Variants in NEBL observed in about 807,000 individuals in gnomAD.
NEBL encodes nebulette, also known as LIM and SH3 protein 2.
NEBL carries 122 observed loss-of-function variants against 140.2 expected under a neutral mutation model. That is an observed-to-expected ratio of 0.87 (90% CI 0.75 to 1.01). The LOEUF is 1.01. Ranked by LOEUF, NEBL falls within the 50% of genes least tolerant of loss-of-function variation. The pLI is 0.00. For synonymous variants in NEBL, 436 were observed against 398.9 expected (o/e 1.09, Z -1.11); for missense variants, 1,365 against 1,231.3 (o/e 1.11, Z -1.62).
chr10:20,923,453 T>A (rs140768280), intron 4 of NEBL, among the ~76,000 whole-genome samples: 2,864 of 151,492 alleles, frequency 0.019, 80 homozygotes, highest in African/African-American at 0.065. Flanking sequence ...CTGAGGTGGG[T>A]GGATCACGAG....
At chr10:21,214,380 A>G (rs1237583102) in intron 3 of NEBL, among the ~76,000 whole-genome samples, 1 of 147,278 alleles carries the variant, frequency 6.8e-6, no homozygotes, top group African/African-American at 2.7e-5. Flanking sequence ...AAAGGAAGAG[A>G]GGGAGGAAGG....
At chr10:21,219,726 TG>T (rs746023199) in intron 3 of NEBL, among the ~76,000 whole-genome samples, 10 of 152,314 alleles carry the variant, frequency 6.6e-5, no homozygotes, top group Admixed American at 2.6e-4. Context: ...GAACATAGGA[TG>T]TTTTTTCACT....
At chr10:20,854,853 C>G (rs902791940) in intron 9 of NEBL, among the ~76,000 whole-genome samples, 38 of 152,248 alleles carry the variant, frequency 2.5e-4, no homozygotes, top group African/African-American at 8.2e-4. Context: ...ACAGGAGCTA[C>G]TGCACCTAGC....
At chr10:20,865,409 G>T (rs1263832353) in intron 7 of NEBL, among the ~76,000 whole-genome samples, 1 of 152,070 alleles carries the variant, frequency 6.6e-6, no homozygotes, top group African/African-American at 2.4e-5. Context: ...ATAGAGAAAT[G>T]AAGCAATTTG....
At chr10:21,166,050 C>G (rs1036454241) in intron 2 of NEBL, among the ~76,000 whole-genome samples, 4 of 145,404 alleles carry the variant, frequency 2.8e-5, no homozygotes, top group African/African-American at 1.1e-4. Flanking sequence ...GAAACCCCGT[C>G]TCTACTAAAA....
intron 1 of NEBL, among the ~76,000 whole-genome samples, chr10:21,260,770 T>C (rs1371593954): frequency 6.6e-6 from 1 of 152,236 alleles, no homozygotes; most frequent in Non-Finnish European, 1.5e-5. Context: ...CCCCTCATTA[T>C]GCCCTTGCTG....
chr10:20,933,382 A>G (rs528323425), intron 4 of NEBL, among the ~76,000 whole-genome samples: 1 of 152,348 alleles, frequency 6.6e-6, no homozygotes, highest in East Asian at 1.9e-4. Context: ...CCCGTACACT[A>G]CTAGACTATA....
At chr10:20,867,407 G>A (rs1373315162) in intron 7 of NEBL, among the ~76,000 whole-genome samples, 1 of 151,974 alleles carries the variant, frequency 6.6e-6, no homozygotes, top group Non-Finnish European at 1.5e-5. Flanking sequence ...TAAGACTTCT[G>A]CAACTTGAGA....
intron 2 of NEBL, among the ~76,000 whole-genome samples, chr10:21,160,794 A>T (rs887204096): frequency 6.6e-6 from 1 of 152,136 alleles, no homozygotes; most frequent in Non-Finnish European, 1.5e-5. Flanking sequence ...TTTATTCATC[A>T]GGAATTGACC....
intron 3 of NEBL, among the ~76,000 whole-genome samples, chr10:21,238,253 T>C (rs1842386156): frequency 1.3e-5 from 2 of 152,228 alleles, no homozygotes; most frequent in South Asian, 4.1e-4. Flanking sequence ...AAGTGAGTCA[T>C]TTCAGGGGAA....
intron 2 of NEBL, among the ~76,000 whole-genome samples, chr10:21,065,901 A>G: frequency 6.6e-6 from 1 of 152,198 alleles, no homozygotes; most frequent in East Asian, 1.9e-4. Context: ...TTTCAACAGA[A>G]ATTGCATCTG....
chr10:20,916,569 G>A (rs1037127757), intron 4 of NEBL, among the ~76,000 whole-genome samples: 3 of 151,978 alleles, frequency 2.0e-5, no homozygotes, highest in Non-Finnish European at 4.4e-5. Flanking sequence ...ACTACCACTT[G>A]GCTAATTTTT....
In NEBL at chr10:21,111,537, C is replaced by T. The variant is rs565936362; in HGVS notation, c.164+60846G>A. On this transcript the variant is annotated intron_variant, in intron 2 of 6. Coordinates refer to the NEBL transcript ENST00000417816. ...TGCTGCTGGGAAAACTGGCTAGCCA[C>T]GTGTAGAAAGCTGAAACTGGATCCC... 5.6e-4 allele frequency among the ~76,000 whole-genome samples: 85 copies of T among 151,508 alleles called. No individual in the cohort carries two copies. The South Asian group carries it at 0.014, about 24-fold the overall frequency.
chr10:20,786,140 C>CA (rs1835385663), intron 27 of NEBL, among the ~76,000 whole-genome samples: 1 of 152,112 alleles, frequency 6.6e-6, no homozygotes, highest in Admixed American at 6.6e-5. Context: ...ATAGAAAAGT[C>CA]ACTAAATACG....
At chr10:20,922,529 T>C (rs1054351168) in intron 4 of NEBL, among the ~76,000 whole-genome samples, 1 of 152,212 alleles carries the variant, frequency 6.6e-6, no homozygotes, top group African/African-American at 2.4e-5. Context: ...CTATTCCTTC[T>C]CATCAGCAGG....
chr10:21,166,405 A>T (rs1840780051), intron 2 of NEBL, among the ~76,000 whole-genome samples: 2 of 152,112 alleles, frequency 1.3e-5, no homozygotes, highest in African/African-American at 4.8e-5. Context: ...TTCTGGTTAC[A>T]ACTCTCTAAT....
intron 11 of NEBL, among the ~76,000 whole-genome samples, chr10:20,849,432 C>A (rs546623043): frequency 6.6e-6 from 1 of 152,264 alleles, no homozygotes; most frequent in East Asian, 1.9e-4. Flanking sequence ...CCCAACGCAA[C>A]ACTGTTGGGG....
chr10:21,288,236 A>G (rs997505134), intron 1 of NEBL, among the ~76,000 whole-genome samples: 5 of 152,092 alleles, frequency 3.3e-5, no homozygotes, highest in Non-Finnish European at 2.9e-5. Flanking sequence ...TTGGGAGGCC[A>G]AGGCGGGCGG....
intron 3 of NEBL, among the ~76,000 whole-genome samples, chr10:20,962,849 A>C (rs1251068240): frequency 6.6e-6 from 1 of 152,176 alleles, no homozygotes; most frequent in Non-Finnish European, 1.5e-5. Flanking sequence ...AGTGTAGTGT[A>C]GTCTTCTGCA....
Sources: gnomAD v4.1 joint callset for allele counts (sites outside exome capture counted in the v4.1 genomes callset) on GRCh38, gnomAD v4.1.1 for gene constraint, MANE v1.5 for transcripts, NCBI Gene and HGNC (gene_info 2026-07-23, HGNC 2026-07-21) for gene names.